Variants in ASTN2 observed in about 807,000 individuals in gnomAD.
ASTN2 encodes astrotactin 2.
A neutral mutation model predicts 139.8 loss-of-function variants in ASTN2; 54 were observed. That is an observed-to-expected ratio of 0.39 (90% CI 0.31 to 0.48). The LOEUF (loss-of-function observed/expected upper bound fraction) is 0.48. Among genes scored for constraint, ASTN2 ranks in the 20% least tolerant of loss-of-function variants. The pLI, the probability that ASTN2 is intolerant of heterozygous loss-of-function variation, is 0.95. For synonymous variants in ASTN2, 756 were observed against 719.5 expected (o/e 1.05, Z -0.81); for missense variants, 1,565 against 1,725.1 (o/e 0.91, Z 1.64).
At chr9:116,962,018 T>G (rs1032401496) in intron 10 of ASTN2, among the ~76,000 whole-genome samples, 15 of 152,224 alleles carry the variant, frequency 9.9e-5, no homozygotes, top group Non-Finnish European at 1.5e-4. Flanking sequence ...TGTCCACTGT[T>G]ACCCGCATAG....
chr9:116,679,184 A>G (rs1028368122), intron 16 of ASTN2, among the ~76,000 whole-genome samples: 1 of 152,150 alleles, frequency 6.6e-6, no homozygotes, highest in Non-Finnish European at 1.5e-5. Context: ...ATTTTAGCCA[A>G]ATTGATGACT....
At chr9:117,201,235 T>G (rs1186342018) in intron 3 of ASTN2, among the ~76,000 whole-genome samples, 1 of 152,084 alleles carries the variant, frequency 6.6e-6, no homozygotes, top group African/African-American at 2.4e-5. Flanking sequence ...CTTTATCATT[T>G]TTTATTGTGT....
intron 1 of ASTN2, among the ~76,000 whole-genome samples, chr9:117,413,166 G>A (rs990350657): frequency 2.0e-5 from 3 of 152,250 alleles, no homozygotes; most frequent in African/African-American, 7.2e-5. Context: ...AGAGGTGGTA[G>A]CATGAAAGGA....
chr9:116,662,091 C>T lies in ASTN2; in HGVS notation c.2807-10298G>A, dbSNP rs10817920. ...GGGACTAAATCCACCCTCAGCTTCA[C>T]GTGCCATGCCTGTGCTCCTGCAATT... is the stretch of plus-strand genomic sequence containing the variant. On this transcript the variant is annotated intron_variant, in intron 16 of 22. Coordinates refer to ENST00000313400, the MANE Select transcript of ASTN2 (RefSeq NM_001365068.1). Among the ~76,000 whole-genome samples, 89 of 152,028 alleles carry T rather than the reference C, an allele frequency of 5.9e-4. No homozygotes were observed. In the East Asian group the frequency reaches 0.016, roughly 27 times the overall value.
intron 5 of ASTN2, 82 bp from the exon 6 acceptor site, chr9:117,040,047 A>G (rs1165326504): frequency 7.1e-7 from 1 of 1,406,506 alleles, no homozygotes; most frequent in Non-Finnish European, 9.5e-7. Context: ...GAATTCTATT[A>G]TTTTCCAGTT....
chr9:116,485,744 G>T (rs955538226), intron 20 of ASTN2, among the ~76,000 whole-genome samples: 2 of 152,192 alleles, frequency 1.3e-5, no homozygotes, highest in Admixed American at 6.5e-5. Context: ...TGCCCCCCAG[G>T]TGACTTAATA....
chr9:116,515,053 T>C (rs1346791179), intron 19 of ASTN2, among the ~76,000 whole-genome samples: 1 of 152,126 alleles, frequency 6.6e-6, no homozygotes, highest in Non-Finnish European at 1.5e-5. Context: ...ATACCTCAGT[T>C]GGAAATGCAG....
chr9:117,045,963 TGTATGTATGTATGTATGTACGTAC>T (rs1838723769), intron 5 of ASTN2, among the ~76,000 whole-genome samples: 1 of 123,750 alleles, frequency 8.1e-6, no homozygotes, highest in Non-Finnish European at 1.7e-5. Context: ...TTTGTATGTA[TGTATGTATGTATGTATGTACGTAC>T]GTACGTATGT....
In ASTN2 at chr9:116,530,995, T is replaced by C. The variant is rs188274984; in HGVS notation, c.3356-43495A>G. Among the ~76,000 whole-genome samples the C allele has an allele frequency of 6.6e-5, 10 of 152,286 alleles. No homozygotes were observed. In the South Asian group the frequency reaches 1.7e-3, roughly 25 times the overall value. On this transcript the variant is annotated intron_variant, in intron 19 of 22. Transcript: ENST00000313400. ...ATGAATACACAGATATTTTAAGTTA[T>C]TAAAAAACAGAAAATTAATCCCTGA...
chr9:117,331,181 G>A (rs1828695263), intron 1 of ASTN2, among the ~76,000 whole-genome samples: 1 of 152,196 alleles, frequency 6.6e-6, no homozygotes. Context: ...TCTGTAAGTT[G>A]GAGGCAGAGT....
intron 1 of ASTN2, among the ~76,000 whole-genome samples, chr9:117,351,542 T>A (rs908473227): frequency 6.6e-6 from 1 of 152,198 alleles, no homozygotes; most frequent in Non-Finnish European, 1.5e-5. Context: ...AAACCTTGCC[T>A]GACTACACAA....
rs953930566 is a variant in ASTN2, at chr9:116,733,498, GA to G, written c.2421del (p.Gln809SerfsTer8). The stretch of plus-strand genomic sequence containing the variant: ...ACCAACAGCCCATCGGCCAGCTGGG[GA>G]AAGTCCTTGATGAAGTTGTTCTCCC... ...TFRENNFIKD[F>X]PQLADGLLVI... On this transcript the variant is annotated frameshift_variant, in exon 14 of 23. Transcript: ENST00000313400. LOFTEE classifies it high-confidence loss of function. The G allele has an allele frequency of 6.2e-7, 1 of 1,614,084 alleles. No homozygotes were observed. The highest frequency in any genetic ancestry group is 8.5e-7 in the Non-Finnish European group (1 of 1,180,038).
chr9:116,510,142 C>A (rs895922482), intron 19 of ASTN2, among the ~76,000 whole-genome samples: 5 of 152,178 alleles, frequency 3.3e-5, no homozygotes, highest in Non-Finnish European at 5.9e-5. Flanking sequence ...GGTTTCAGGT[C>A]TAACATTTAA....
At chr9:117,035,090 G>GCT (rs1442582667) in intron 6 of ASTN2, among the ~76,000 whole-genome samples, 1 of 152,132 alleles carries the variant, frequency 6.6e-6, no homozygotes, top group Non-Finnish European at 1.5e-5. Flanking sequence ...GTAGCTGAGA[G>GCT]CTCTCTCTAC....
chr9:116,975,375 T>A (rs939754606), intron 9 of ASTN2, 30 bp from the exon 10 acceptor site: 7 of 1,564,960 alleles, frequency 4.5e-6, no homozygotes, highest in Non-Finnish European at 6.1e-6. Flanking sequence ...ATTGGGGAAC[T>A]CCCTGGGAAG....
At chr9:117,245,005 C>A (rs910517792) in intron 2 of ASTN2, among the ~76,000 whole-genome samples, 1 of 151,850 alleles carries the variant, frequency 6.6e-6, no homozygotes, top group Admixed American at 6.6e-5. Flanking sequence ...GCTCACAGTC[C>A]CGTAGAGAAG....
At chr9:116,561,286 TA>T (rs1175634415) in intron 19 of ASTN2, among the ~76,000 whole-genome samples, 4 of 152,166 alleles carry the variant, frequency 2.6e-5, no homozygotes, top group Non-Finnish European at 5.9e-5. Flanking sequence ...GGCTAGAACT[TA>T]ATCATCTTAG....
At chr9:117,180,805 A>G in intron 3 of ASTN2, 1 of 1,545,304 alleles carries the variant, frequency 6.5e-7, no homozygotes, top group Non-Finnish European at 8.9e-7. Context: ...CATGTCTTCA[A>G]ATTCATCAAC....
At chr9:117,330,425 C>T (rs1828666073) in intron 1 of ASTN2, among the ~76,000 whole-genome samples, 1 of 152,146 alleles carries the variant, frequency 6.6e-6, no homozygotes, top group Admixed American at 6.5e-5. Context: ...GGAGGGACTC[C>T]CTGAGCATTG....
Sources: allele counts gnomAD v4.1 joint callset (sites outside exome capture counted in the v4.1 genomes callset), GRCh38; gene constraint gnomAD v4.1.1; transcripts MANE v1.5; gene names NCBI Gene and HGNC (gene_info 2026-07-23, HGNC 2026-07-21).